The following AGTPBP1 variants were observed in gnomAD, a reference collection of about 807,000 sequenced individuals.
AGTPBP1 encodes cytosolic carboxypeptidase 1.
In AGTPBP1, 70 loss-of-function variants were observed where a neutral mutation model predicts 143.9. The ratio of observed to expected loss-of-function variants is 0.49; its 90% CI spans 0.40 to 0.59. The LOEUF is 0.59. AGTPBP1 is among the 20% of genes least tolerant of loss of function. The pLI is 0.00. For missense variants in AGTPBP1, 1,229 were observed against 1,464.5 expected, an observed-to-expected ratio of 0.84 and a Z score of 2.62; for synonymous variants, 463 against 500.2, an observed-to-expected ratio of 0.93 and a Z score of 0.99.
chr9:85,676,173 G>C (rs1391140307), intron 6 of AGTPBP1, among the ~76,000 whole-genome samples: 2 of 152,122 alleles, frequency 1.3e-5, no homozygotes, highest in Admixed American at 6.6e-5. Flanking sequence ...GGAAAGCATA[G>C]GTAATCAAAG....
At chr9:85,759,827 C>G in the AGTPBP1 span, among the ~76,000 whole-genome samples, 1 of 151,900 alleles carries the variant, frequency 6.6e-6, no homozygotes. Context: ...ATCAGTGAAT[C>G]AAGGAGCTGG....
intron 17 of AGTPBP1, among the ~76,000 whole-genome samples, chr9:85,616,432 A>G (rs1156645912): frequency 2.0e-5 from 3 of 152,142 alleles, no homozygotes; most frequent in Admixed American, 6.5e-5. Flanking sequence ...ACAGAGAAGC[A>G]TTGCTCCAAA....
the AGTPBP1 span, among the ~76,000 whole-genome samples, chr9:85,764,195 C>G: frequency 6.8e-6 from 1 of 147,990 alleles, no homozygotes; most frequent in Non-Finnish European, 1.5e-5. Flanking sequence ...TTTAAATAGA[C>G]TTTTTTTTTT....
At chr9:85,781,119 C>G in the AGTPBP1 span, 1 of 1,440,506 alleles carries the variant, frequency 6.9e-7, no homozygotes, top group Admixed American at 2.9e-5. Context: ...GACTCCGTTT[C>G]AAAAAGACAA....
chr9:85,786,105 T>A, the AGTPBP1 span: 12 of 1,571,954 alleles, frequency 7.6e-6, no homozygotes, highest in Middle Eastern at 1.7e-4. Flanking sequence ...TTTTAGATCA[T>A]AAGGCTGGAG....
chr9:85,754,738 A>G, the AGTPBP1 span, among the ~76,000 whole-genome samples: 2 of 152,198 alleles, frequency 1.3e-5, no homozygotes, highest in African/African-American at 4.8e-5. Flanking sequence ...CATAAATTTT[A>G]CATTACATTT....
At chr9:85,779,139 AGTCAGG>A in the AGTPBP1 span, among the ~76,000 whole-genome samples, 11 of 151,556 alleles carry the variant, frequency 7.3e-5, no homozygotes, top group African/African-American at 2.7e-4. Context: ...AACCTGTATT[AGTCAGG>A]GTTCTCTAGA....
chr9:85,718,868 GTTTCAGC>G (rs1837905478), intron 1 of AGTPBP1, among the ~76,000 whole-genome samples: 1 of 152,158 alleles, frequency 6.6e-6, no homozygotes. Flanking sequence ...AAGGGATCCA[GTTTCAGC>G]TTTCTACATA....
chr9:85,585,383 GAGT>G lies in AGTPBP1; in HGVS notation c.3165+77_3165+79del, dbSNP rs546917368. The stretch of plus-strand genomic sequence containing the variant: ...CAAAATGTCAATATTTATTGAATGT[GAGT>G]AGTTCATATATGTTCTTTTCTGTAC... On this transcript the variant is annotated intron_variant, in intron 23 of 25. Coordinates refer to ENST00000357081, the MANE Select transcript of AGTPBP1 (RefSeq NM_001330701.2). 243 of 1,268,214 alleles carry G rather than the reference GAGT, an allele frequency of 1.9e-4. No homozygotes were observed. In the African/African-American group the frequency reaches 3.5e-3, roughly 18 times the overall value. The allele number at this position is 1,268,214 out of a possible 1,614,324, so 78.6% of individuals were successfully genotyped here.
At chr9:85,646,652 T>A (rs1236780486) in intron 11 of AGTPBP1, among the ~76,000 whole-genome samples, 1 of 152,210 alleles carries the variant, frequency 6.6e-6, no homozygotes, top group African/African-American at 2.4e-5. Context: ...ACTAATGTTC[T>A]CAGTTTTTAA....
chr9:85,549,179 A>C (rs1178430352), intron 25 of AGTPBP1, among the ~76,000 whole-genome samples: 1 of 152,184 alleles, frequency 6.6e-6, no homozygotes, highest in East Asian at 1.9e-4. Flanking sequence ...TTCTTCCTGG[A>C]GACAGTCATA....
At chr9:85,720,165 G>A (rs150275478) in intron 1 of AGTPBP1, among the ~76,000 whole-genome samples, 531 of 152,262 alleles carry the variant, frequency 3.5e-3, no homozygotes, top group Admixed American at 6.0e-3. Context: ...TCAGGATGAC[G>A]CTGGCCTCAT....
intron 1 of AGTPBP1, 82 bp downstream of exon 1, chr9:85,741,693 C>A (rs943523927): frequency 9.5e-6 from 12 of 1,261,028 alleles, no homozygotes; most frequent in Middle Eastern, 3.1e-4. Context: ...TACCCCCGGG[C>A]GCCGTCGCTC....
intron 1 of AGTPBP1, among the ~76,000 whole-genome samples, chr9:85,721,700 T>G (rs1205988544): frequency 6.6e-6 from 1 of 152,212 alleles, no homozygotes; most frequent in Non-Finnish European, 1.5e-5. Context: ...TGTGTGAATT[T>G]AATCCTGTCA....
chr9:85,714,301 T>G (rs1837562480), intron 1 of AGTPBP1, among the ~76,000 whole-genome samples: 1 of 152,184 alleles, frequency 6.6e-6, no homozygotes, highest in African/African-American at 2.4e-5. Flanking sequence ...AGTGCCTCAG[T>G]TGCCAGTGTG....
Position 85,681,353 on chromosome 9 carries a change from A to T in AGTPBP1, c.158-18T>A. The T allele has an allele frequency of 6.2e-7, 1 of 1,606,008 alleles. No homozygotes were observed. Among genetic ancestry groups the T allele is most frequent in the Non-Finnish European group, 8.5e-7 (1 of 1,177,100 alleles). ...TGTTTTTTCTGAAAAGTAGCAAACA[A>T]TTTTTTTCTCAAACATAAATTTTTA... On this transcript the variant is annotated intron_variant, in intron 3 of 25. Coordinates refer to ENST00000357081, the MANE Select transcript of AGTPBP1 (RefSeq NM_001330701.2).
upstream of AGTPBP1, among the ~76,000 whole-genome samples, chr9:85,746,243 C>G (rs1408684473): frequency 6.6e-6 from 1 of 152,132 alleles, no homozygotes; most frequent in Non-Finnish European, 1.5e-5. Flanking sequence ...GCCTCACCCC[C>G]TCTGTGGACA....
chr9:85,765,238 A>C, the AGTPBP1 span: 1 of 236,524 alleles, frequency 4.2e-6, no homozygotes, highest in Non-Finnish European at 8.3e-6. Flanking sequence ...AGAACATAGA[A>C]AATGATTTGA....
chr9:85,657,905 G>T (rs903435317), intron 9 of AGTPBP1, among the ~76,000 whole-genome samples: 2 of 151,932 alleles, frequency 1.3e-5, no homozygotes, highest in African/African-American at 4.8e-5. Context: ...AAAATTAGAG[G>T]AACATCTTTT....
Sources: allele counts gnomAD v4.1 joint callset (sites outside exome capture counted in the v4.1 genomes callset), GRCh38; gene constraint gnomAD v4.1.1; transcripts MANE v1.5; gene names NCBI Gene and HGNC (gene_info 2026-07-23, HGNC 2026-07-21).